Variants in SGCD observed in about 807,000 individuals in gnomAD.
The protein encoded by SGCD is delta-sarcoglycan.
Under a neutral mutation model 36.6 loss-of-function variants are expected in SGCD, and 18 were observed. The observed-to-expected ratio is 0.49, with a 90% CI of 0.34 to 0.73. The LOEUF is 0.73. Ranked by LOEUF, SGCD falls within the 30% of genes least tolerant of loss-of-function variation. SGCD has a pLI of 0.01. For missense variants in SGCD, 387 were observed against 346.7 expected (o/e 1.12, Z -0.92); for synonymous variants, 133 against 130.6 (o/e 1.02, Z -0.12).
chr5:156,317,496 TAC>T (rs1362514208), intron 3 of SGCD, among the ~76,000 whole-genome samples: 1 of 152,188 alleles, frequency 6.6e-6, no homozygotes, highest in African/African-American at 2.4e-5. Flanking sequence ...AGTTTTGCCT[TAC>T]ACAGTTTTCC....
chr5:156,498,699 T>A (rs1246399145), intron 3 of SGCD, among the ~76,000 whole-genome samples: 1 of 152,238 alleles, frequency 6.6e-6, no homozygotes, highest in Non-Finnish European at 1.5e-5. Flanking sequence ...TTTCCACATT[T>A]TGGCTCTGAT....
the SGCD span, among the ~76,000 whole-genome samples, chr5:155,782,026 CTT>C: frequency 0.019 from 2,379 of 122,878 alleles, 56 homozygotes; most frequent in African/African-American, 0.056. Context: ...TTTTTCTTTT[CTT>C]TTTTTTTTTT....
At chr5:156,018,805 C>T (rs1759039134) in intron 1 of SGCD, among the ~76,000 whole-genome samples, 1 of 152,162 alleles carries the variant, frequency 6.6e-6, no homozygotes, top group Non-Finnish European at 1.5e-5. Context: ...TACACAGGCA[C>T]TTTTTTTCTT....
At chr5:156,619,225 C>T (rs1762146626) in intron 6 of SGCD, among the ~76,000 whole-genome samples, 1 of 152,088 alleles carries the variant, frequency 6.6e-6, no homozygotes, top group African/African-American at 2.4e-5. Flanking sequence ...TGGGGTTTCA[C>T]CGTGTTAACC....
chr5:156,370,220 C>T (rs1469224210), intron 3 of SGCD, among the ~76,000 whole-genome samples: 1 of 152,032 alleles, frequency 6.6e-6, no homozygotes, highest in Non-Finnish European at 1.5e-5. Flanking sequence ...CTCTGGTTGG[C>T]AATGACAGGA....
chr5:156,194,984 A>T (rs1763988682), intron 3 of SGCD, among the ~76,000 whole-genome samples: 1 of 152,200 alleles, frequency 6.6e-6, no homozygotes, highest in South Asian at 2.1e-4. Flanking sequence ...GATTATGGTG[A>T]TGAATATAGT....
At chr5:156,631,463 T>TA (rs1353509680) in intron 6 of SGCD, among the ~76,000 whole-genome samples, 30 of 151,058 alleles carry the variant, frequency 2.0e-4, no homozygotes, top group African/African-American at 6.3e-4. Flanking sequence ...ACACTTGCTT[T>TA]TTTTTTTTTT....
At chr5:156,120,108 G>A (rs556880590) in intron 2 of SGCD, among the ~76,000 whole-genome samples, 3 of 151,962 alleles carry the variant, frequency 2.0e-5, no homozygotes, top group African/African-American at 4.8e-5. Context: ...CAAGGATTTC[G>A]AAAAAGCTAA....
intron 1 of SGCD, among the ~76,000 whole-genome samples, chr5:155,967,620 C>G (rs6888324): frequency 1.3e-5 from 2 of 151,872 alleles, no homozygotes; most frequent in Admixed American, 6.6e-5. Context: ...TAATACTCCT[C>G]TCTTAGCACA....
At chr5:156,658,098 G>A (rs201917406) in intron 7 of SGCD, among the ~76,000 whole-genome samples, 314 of 11,740 alleles carry the variant, frequency 0.027, 6 homozygotes, top group East Asian at 0.059. Flanking sequence ...GCCCTAAGGC[G>A]GTTTTTCCCT....
At chr5:156,701,174 G>C (rs1754516702) in intron 7 of SGCD, among the ~76,000 whole-genome samples, 1 of 152,122 alleles carries the variant, frequency 6.6e-6, no homozygotes, top group South Asian at 2.1e-4. Flanking sequence ...TTTCCAACAG[G>C]TAAATCAAAT....
chr5:155,745,709 G>A, the SGCD span, among the ~76,000 whole-genome samples: 4 of 152,172 alleles, frequency 2.6e-5, no homozygotes, highest in East Asian at 7.7e-4. Flanking sequence ...TGGAAAATGG[G>A]CAAAGTTTAC....
chr5:156,491,526 A>G (rs1172118864), intron 3 of SGCD, among the ~76,000 whole-genome samples: 1 of 152,194 alleles, frequency 6.6e-6, no homozygotes, highest in African/African-American at 2.4e-5. Flanking sequence ...GAATCCCAAA[A>G]TGGATCAGCG....
intron 1 of SGCD, among the ~76,000 whole-genome samples, chr5:155,989,184 C>A (rs1246030996): frequency 6.6e-6 from 1 of 152,148 alleles, no homozygotes; most frequent in Non-Finnish European, 1.5e-5. Flanking sequence ...GTTGGCAAAT[C>A]TTTTCTATAG....
chr5:156,276,512 A>G (rs1766321229), intron 3 of SGCD, among the ~76,000 whole-genome samples: 1 of 152,084 alleles, frequency 6.6e-6, no homozygotes, highest in African/African-American at 2.4e-5. Context: ...ACATTTAAAA[A>G]CTGCATTCCT....
At chr5:156,452,973 A>G (rs1001136939) in intron 3 of SGCD, among the ~76,000 whole-genome samples, 6 of 152,278 alleles carry the variant, frequency 3.9e-5, no homozygotes, top group South Asian at 4.1e-4. Context: ...CTTAAGCTAC[A>G]TTAGGTAGAA....
At chr5:156,575,511 C>T (rs927695128) in intron 4 of SGCD, among the ~76,000 whole-genome samples, 3 of 152,158 alleles carry the variant, frequency 2.0e-5, no homozygotes, top group Non-Finnish European at 2.9e-5. Context: ...GTAAGTTGTG[C>T]TCCACACTCA....
intron 3 of SGCD, among the ~76,000 whole-genome samples, chr5:156,304,108 A>G (rs1767134643): frequency 6.6e-6 from 1 of 152,148 alleles, no homozygotes; most frequent in South Asian, 2.1e-4. Context: ...ACTTTAGCCT[A>G]TAGTGGTGGG....
At chr5:156,720,487 T>TG (rs1321225719) in intron 7 of SGCD, among the ~76,000 whole-genome samples, 1 of 152,158 alleles carries the variant, frequency 6.6e-6, no homozygotes, top group African/African-American at 2.4e-5. Context: ...CAGTAACTGA[T>TG]GTATCTAGAA....
Sources: gnomAD v4.1 joint callset for allele counts (sites outside exome capture counted in the v4.1 genomes callset) on GRCh38, gnomAD v4.1.1 for gene constraint, MANE v1.5 for transcripts, NCBI Gene and HGNC (gene_info 2026-07-23, HGNC 2026-07-21) for gene names.